DSCAML1: variants seen among roughly 807,000 people sequenced by gnomAD.
The protein encoded by DSCAML1 is cell adhesion molecule DSCAML1.
A neutral mutation model predicts 200.5 loss-of-function variants in DSCAML1; 38 were observed. The observed-to-expected ratio is 0.19, with a 90% CI of 0.15 to 0.25. The LOEUF (loss-of-function observed/expected upper bound fraction) is 0.25, where lower values mean the gene tolerates loss of function less well. Among genes scored for constraint, DSCAML1 ranks in the 10% least tolerant of loss-of-function variants. DSCAML1 has a pLI of 1.00. For synonymous variants in DSCAML1, 1,215 were observed against 1,165.0 expected (o/e 1.04, Z -0.87); for missense variants, 2,223 against 2,858.8 (o/e 0.78, Z 5.07).
chr11:117,545,246 C>A lies in DSCAML1; in HGVS notation c.512-12724G>T, dbSNP rs867822917. ...TTCCGTAAAAAAAAACACACACACA[C>A]ACACACACACACACAAAACACAAGG... On this transcript the variant is annotated intron_variant, in intron 3 of 32. Coordinates refer to ENST00000651296, the MANE Select transcript of DSCAML1 (RefSeq NM_020693.4). 1.4e-4 allele frequency among the ~76,000 whole-genome samples: 19 copies of A among 134,512 alleles called. 1 individual carries two copies. Among genetic ancestry groups the A allele is most frequent in the East Asian group, 9.4e-4 (4 of 4,262 alleles). The allele number at this position is 134,512 out of a possible 152,430, so 88.2% of individuals were successfully genotyped here. A position where few individuals can be genotyped will look rare whatever the true frequency, so the allele number is the denominator to read the frequency against.
At chr11:117,776,998 A>G in intron 2 of DSCAML1, 61 bp from the exon 3 acceptor site, 1 of 1,575,678 alleles carries the variant, frequency 6.3e-7, no homozygotes, top group Non-Finnish European at 8.7e-7. Flanking sequence ...GAGGGTCCCC[A>G]GAAAGGAACA....
At chr11:117,773,529 GCACACACACA>G (rs59492776) in intron 3 of DSCAML1, among the ~76,000 whole-genome samples, 11 of 144,484 alleles carry the variant, frequency 7.6e-5, no homozygotes, top group African/African-American at 1.3e-4. Context: ...ACCTCAAAAT[GCACACACACA>G]CACACACACA....
Position 117,489,723 on chromosome 11 carries a change from A to G in DSCAML1, c.2360-7561T>C, listed in dbSNP as rs1663006126. Among the ~76,000 whole-genome samples, 1 of 152,208 alleles carries G rather than the reference A, an allele frequency of 6.6e-6. No individual in the cohort carries two copies. Among genetic ancestry groups the G allele is most frequent in the Non-Finnish European group, 1.5e-5 (1 of 68,022 alleles). On this transcript the variant is annotated intron_variant, in intron 11 of 32. Transcript: ENST00000651296. The surrounding 1 kb of genome is among the most constrained non-coding windows in gnomAD (Gnocchi z 4.8). ...TTGGGGCATACTCTGGTGGAGGCCAAGGAGGCTTCCTGATGACTTCCAGGG... is the reference window on the plus strand; with the variant it reads ...TTGGGGCATACTCTGGTGGAGGCCAGGGAGGCTTCCTGATGACTTCCAGGG...
intron 20 of DSCAML1, among the ~76,000 whole-genome samples, chr11:117,444,503 C>T (rs901780506): frequency 3.3e-5 from 5 of 152,164 alleles, no homozygotes; most frequent in African/African-American, 9.7e-5. Flanking sequence ...CTAGCCCTGC[C>T]GTCTAATTAC....
At chr11:117,646,454 A>T (rs2052524477) in intron 3 of DSCAML1, among the ~76,000 whole-genome samples, 3 of 152,198 alleles carry the variant, frequency 2.0e-5, no homozygotes, top group Admixed American at 1.3e-4. Flanking sequence ...TCCTACTCAG[A>T]GTCCCTCGCT....
intron 3 of DSCAML1, among the ~76,000 whole-genome samples, chr11:117,559,104 G>GA (rs1565788219): frequency 1.4e-5 from 2 of 142,144 alleles, no homozygotes; most frequent in South Asian, 2.3e-4. Context: ...CATATATGGG[G>GA]AAAAAAAGAA....
At position 117,437,353 on chromosome 11, in the gene DSCAML1, G is replaced by T. The variant is rs754844104; in HGVS notation, c.4489C>A (p.Arg1497=). ...LFTHINSTHA[R]LNLQGWNNGG... ...TTGTTCCAGCCCTGCAGGTTAAGCCGAGCATGCGTGGAGTTGATGTGGGTG... is the reference window on the plus strand; with the variant it reads ...TTGTTCCAGCCCTGCAGGTTAAGCCTAGCATGCGTGGAGTTGATGTGGGTG... Residue 1497 remains arginine, a synonymous_variant, in exon 26 of 33, where the codon CGG becomes AGG. Coordinates refer to ENST00000651296, the MANE Select transcript of DSCAML1 (RefSeq NM_020693.4). This position sits in a 1 kb window ranked among gnomAD's most constrained non-coding sequence, Gnocchi z 5.3. The T allele has an allele frequency of 1.2e-6, 2 of 1,614,234 alleles. No individual in the cohort carries two copies. The highest frequency in any genetic ancestry group is 2.2e-5 in the South Asian group (2 of 91,082).
intron 1 of DSCAML1, among the ~76,000 whole-genome samples, chr11:117,784,635 G>A (rs763118773): frequency 6.6e-6 from 1 of 152,122 alleles, no homozygotes; most frequent in Non-Finnish European, 1.5e-5. Context: ...TGAATCTTCA[G>A]AGCGGTGACA....
At chr11:117,652,785 A>AT (rs2052660735) in intron 3 of DSCAML1, among the ~76,000 whole-genome samples, 1 of 152,058 alleles carries the variant, frequency 6.6e-6, no homozygotes, top group African/African-American at 2.4e-5. Context: ...GTGTCTCCCC[A>AT]TTGCCACCCC....
chr11:117,799,048 C>T (rs1440813504), upstream of DSCAML1, among the ~76,000 whole-genome samples: 2 of 152,146 alleles, frequency 1.3e-5, no homozygotes, highest in Non-Finnish European at 2.9e-5. Flanking sequence ...GATAAGGAAA[C>T]TGAGGCCCAG....
chr11:117,505,195 T>C lies in DSCAML1; in HGVS notation c.2063-152A>G. ...CTGAAACCCAAGATGCTGAGAACTTTTGTTGAGTACTGGGTAGGGACTTGG... is the reference window on the plus strand; with the variant it reads ...CTGAAACCCAAGATGCTGAGAACTTCTGTTGAGTACTGGGTAGGGACTTGG... On this transcript the variant is annotated intron_variant, in intron 9 of 32. Transcript: ENST00000651296. The surrounding 1 kb of genome is among the most constrained non-coding windows in gnomAD (Gnocchi z 6.7). 1 of 1,252,066 alleles carries C rather than the reference T, an allele frequency of 8.0e-7. No individual in the cohort carries two copies. Among genetic ancestry groups the C allele is most frequent in the African/African-American group, 1.5e-5 (1 of 66,726 alleles). The allele number at this position is 1,252,066 out of a possible 1,614,324, so 77.6% of individuals were successfully genotyped here. A position where few individuals can be genotyped will look rare whatever the true frequency, so the allele number is the denominator to read the frequency against.
intron 1 of DSCAML1, among the ~76,000 whole-genome samples, chr11:117,787,403 A>G (rs1488361988): frequency 6.6e-6 from 1 of 151,588 alleles, no homozygotes; most frequent in Non-Finnish European, 1.5e-5. Context: ...ACAAATATTT[A>G]CTGCTCACCT....
At chr11:117,644,343 C>T (rs1040659900) in intron 3 of DSCAML1, among the ~76,000 whole-genome samples, 9 of 152,224 alleles carry the variant, frequency 5.9e-5, no homozygotes, top group South Asian at 2.1e-4. Context: ...TTTCTGCGCA[C>T]GGCACCTGGT....
intron 3 of DSCAML1, among the ~76,000 whole-genome samples, chr11:117,580,975 G>C (rs2051027741): frequency 6.6e-6 from 1 of 152,210 alleles, no homozygotes; most frequent in South Asian, 2.1e-4. Flanking sequence ...GCCTGCCAAG[G>C]TGTTCAAGCC....
rs147154748 is a variant in DSCAML1, at chr11:117,814,000, G to T, written c.-250+3390C>A. 7.7e-3 allele frequency among the ~76,000 whole-genome samples: 1,172 copies of T among 152,222 alleles called. 29 individuals carry two copies. The East Asian group carries it at 0.085, about 11-fold the overall frequency. ...TGAAGAATCACAAAAGAAGTGAAAA[G>T]GCCCTGCCCCGCCTTAACTGATGAC... On this transcript the variant is annotated intron_variant, in intron 1 of 2. Coordinates refer to the DSCAML1 transcript ENST00000525836.
chr11:117,514,572 CTTTTTTTTT>C (rs532136039), intron 8 of DSCAML1, among the ~76,000 whole-genome samples: 3,925 of 98,090 alleles, frequency 0.04, 85 homozygotes, highest in East Asian at 0.15. Flanking sequence ...TTTTCTTTTT[CTTTTTTTTT>C]TTTTTTTTTT....
intron 19 of DSCAML1, among the ~76,000 whole-genome samples, chr11:117,451,197 C>T (rs1278396797): frequency 6.6e-6 from 1 of 152,148 alleles, no homozygotes; most frequent in Non-Finnish European, 1.5e-5. Context: ...AGAAAGTCTA[C>T]CTTAGAAGTC....
chr11:117,595,621 C>T (rs1214497873), intron 3 of DSCAML1, among the ~76,000 whole-genome samples: 5 of 152,174 alleles, frequency 3.3e-5, no homozygotes, highest in Non-Finnish European at 7.3e-5. Context: ...GCCCAATTTC[C>T]GTTGAAATCT....
In DSCAML1 at chr11:117,465,240, C is replaced by G. The variant is rs547258615; in HGVS notation, c.3025-58G>C. On this transcript the variant is annotated intron_variant, in intron 16 of 32. Coordinates refer to ENST00000651296, the MANE Select transcript of DSCAML1 (RefSeq NM_020693.4). ...AATGGCAACACGCTGAGATGATGCT[C>G]TTAAAACCAAAGTCAGATCATGTCA... 1.0e-4 allele frequency: 166 copies of G among 1,589,710 alleles called. No individual in the cohort carries two copies. In the African/African-American group the frequency reaches 2.1e-3, roughly 20 times the overall value.
Sources: allele counts gnomAD v4.1 joint callset (sites outside exome capture counted in the v4.1 genomes callset), GRCh38; gene constraint gnomAD v4.1.1; non-coding constraint Gnocchi (gnomAD v3.1); transcripts MANE v1.5; gene names NCBI Gene and HGNC (gene_info 2026-07-23, HGNC 2026-07-21).